TUBA1B: variants seen among roughly 807,000 people sequenced by gnomAD.
TUBA1B encodes tubulin alpha-1B chain.
TUBA1B carries 1 observed loss-of-function variant against 34.4 expected under a neutral mutation model. The observed-to-expected ratio is 0.03, with a 90% CI of 0.01 to 0.14. TUBA1B has a LOEUF of 0.14. Ranked by LOEUF, TUBA1B falls within the 10% of genes least tolerant of loss-of-function variation. The pLI is 1.00. For synonymous variants in TUBA1B, 197 were observed against 212.5 expected (o/e 0.93, Z 0.64); for missense variants, 54 against 583.6 (o/e 0.09, Z 9.35).
intron 1 of TUBA1B, chr12:49,130,438 G>A (rs1380393945): frequency 1.8e-6 from 2 of 1,081,980 alleles, no homozygotes; most frequent in African/African-American, 3.2e-5. Flanking sequence ...CTGCAAAGGC[G>A]CTGCCCAAGC....
chr12:49,127,985 C>T lies in TUBA1B; in HGVS notation c.1329G>A (p.Glu443=). The T allele has an allele frequency of 6.2e-7, 1 of 1,614,160 alleles. No individual in the cohort carries two copies. Among genetic ancestry groups the T allele is most frequent in the Non-Finnish European group, 8.5e-7 (1 of 1,180,018 alleles). ...EEVGVDSVEG[E]GEEEGEEY ...AGTATTCCTCTCCTTCTTCCTCACC[C>T]TCTCCTTCAACAGAATCCACACCAA... Residue 443 remains glutamate, a synonymous_variant, in exon 4 of 4, where the codon GAG becomes GAA. Transcript: ENST00000336023.
intron 1 of TUBA1B, chr12:49,131,075 G>C (rs1374673280): frequency 5.7e-6 from 3 of 530,030 alleles, no homozygotes; most frequent in African/African-American, 3.8e-5. Context: ...CCCTTCCAGA[G>C]TCCGAGAAGA....
rs370897082 is a variant in TUBA1B, at chr12:49,131,311, G to T, written c.-11C>A. The T allele has an allele frequency of 6.2e-7, 1 of 1,611,184 alleles. No individual in the cohort carries two copies. Among genetic ancestry groups the T allele is most frequent in the South Asian group, 1.1e-5 (1 of 90,498 alleles). On this transcript the variant is annotated 5_prime_UTR_variant, in exon 1 of 4. Coordinates refer to ENST00000336023, the MANE Select transcript of TUBA1B (RefSeq NM_006082.3). ...CGGCTTACTCACCATAGTGGCTAGG[G>T]ATTAGGAGGCGAAGGCGACAGGAGC... is the stretch of plus-strand genomic sequence containing the variant.
rs1260737811 is a variant in TUBA1B at position 49,129,232 on chromosome 12, T to G, written c.375+10A>C. 1 of 1,613,544 alleles carries G rather than the reference T, an allele frequency of 6.2e-7. No individual in the cohort carries two copies. The highest frequency in any genetic ancestry group is 1.3e-5 in the African/African-American group (1 of 74,924). On this transcript the variant is annotated intron_variant, in intron 3 of 3. Coordinates refer to ENST00000336023, the MANE Select transcript of TUBA1B (RefSeq NM_006082.3). Reference sequence around the variant, plus strand: ...ACCACATTAAATGCATATTTATATGTGGTGCTTACCAGCTTGCGAATTCGG... The same window carrying G: ...ACCACATTAAATGCATATTTATATGGGGTGCTTACCAGCTTGCGAATTCGG...
chr12:49,128,738 G>A lies in TUBA1B; in HGVS notation c.576C>T (p.His192=), dbSNP rs542269810. 23 of 1,611,510 alleles carry A rather than the reference G, an allele frequency of 1.4e-5. No homozygotes were observed. In the South Asian group the frequency reaches 2.3e-4, roughly 16 times the overall value. ...VEPYNSILTT[H]TTLEHSDCAF... ...CACAATCAGAGTGCTCCAGGGTGGTGTGGGTGGTGAGGATGGAGTTGTAGG... is the reference window on the plus strand; with the variant it reads ...CACAATCAGAGTGCTCCAGGGTGGTATGGGTGGTGAGGATGGAGTTGTAGG... The change falls in exon 4 of 4, where the codon CAC becomes CAT. Residue 192 remains histidine, a synonymous_variant. Transcript: ENST00000336023. This position sits in a 1 kb window ranked among gnomAD's most constrained non-coding sequence, Gnocchi z 8.1.
chr12:49,129,256 G>T lies in TUBA1B; in HGVS notation c.361C>A (p.Arg121=). ...GKEIIDLVLD[R]IRKLADQCTG... ...GTGGTGCTTACCAGCTTGCGAATTC[G>T]GTCCAACACAAGGTCAATGATCTCC... Residue 121 remains arginine (R), a synonymous_variant, in exon 3 of 4, where the codon CGA becomes AGA. Coordinates refer to ENST00000336023, the MANE Select transcript of TUBA1B (RefSeq NM_006082.3). The T allele has an allele frequency of 1.9e-6, 3 of 1,613,976 alleles. No individual in the cohort carries two copies. The highest frequency in any genetic ancestry group is 2.5e-6 in the Non-Finnish European group (3 of 1,180,018).
In TUBA1B at chr12:49,128,220, C is replaced by A; in HGVS notation, c.1094G>T (p.Gly365Val). The change falls in exon 4 of 4, where the codon GGT becomes GTT. Residue 365 changes from glycine (G) to valine (V), a missense_variant. Gly to Val is a moderately radical substitution (Grantham distance 109). This residue lies in a region of TUBA1B where 20 missense variants were observed against 362.8 expected (regional missense o/e 0.06). Coordinates refer to ENST00000336023, the MANE Select transcript of TUBA1B (RefSeq NM_006082.3). The surrounding 1 kb of genome is among the most constrained non-coding windows in gnomAD (Gnocchi z 8.1). ...INYQPPTVVPGGDLAKVQRAV... is the reference protein window; with the variant it reads ...INYQPPTVVPVGDLAKVQRAV... ...TCTCTGTACCTTGGCCAGGTCTCCA[C>A]CAGGCACCACAGTGGGAGGCTGGTA... The A allele has an allele frequency of 6.2e-7, 1 of 1,614,152 alleles. No individual in the cohort carries two copies. Among genetic ancestry groups the A allele is most frequent in the South Asian group, 1.1e-5 (1 of 91,090 alleles).
rs1057548 is a variant in TUBA1B, at chr12:49,128,822, C to T, written c.492G>A (p.Lys164=). Residue 164 remains lysine (K), a synonymous_variant, in exon 4 of 4, where the codon AAG becomes AAA. Transcript: ENST00000336023. The surrounding 1 kb of genome is among the most constrained non-coding windows in gnomAD (Gnocchi z 8.1). ...GGTAAATGGAGAACTCCAGCTTGGA[C>T]TTCTTGCCATAATCAACTGAGAGAC... ...MERLSVDYGK[K]SKLEFSIYPA... is the part of the protein sequence containing the mutation. The T allele has an allele frequency of 0.34, 536,249 of 1,589,318 alleles. 78,812 individuals carry two copies. Among genetic ancestry groups the T allele is most frequent in the East Asian group, 0.69 (30,637 of 44,198 alleles).
Position 49,128,966 on chromosome 12 carries a change from T to A in TUBA1B, c.376-28A>T. 1 of 1,569,960 alleles carries A rather than the reference T, an allele frequency of 6.4e-7. No individual in the cohort carries two copies. The highest frequency in any genetic ancestry group is 8.6e-7 in the Non-Finnish European group (1 of 1,162,158). ...GTAGGGGAATAAAAAAATGTAATAT[T>A]TTAATGCCAGGACACATTATCTTAG... On this transcript the variant is annotated intron_variant, in intron 3 of 3. Coordinates refer to ENST00000336023, the MANE Select transcript of TUBA1B (RefSeq NM_006082.3). The surrounding 1 kb of genome is among the most constrained non-coding windows in gnomAD (Gnocchi z 8.1).
intron 1 of TUBA1B, chr12:49,130,204 G>A: frequency 7.9e-7 from 1 of 1,271,624 alleles, no homozygotes; most frequent in Non-Finnish European, 1.0e-6. Context: ...AGACAGGAAG[G>A]TGGGCATCCA....
rs1220222828 is a variant in TUBA1B, at chr12:49,130,099, T to C, written c.4-377A>G. 3 of 1,201,636 alleles carry C rather than the reference T, an allele frequency of 2.5e-6. No individual in the cohort carries two copies. In the East Asian group the frequency reaches 1.6e-4, roughly 65 times the overall value. The allele number at this position is 1,201,636 out of a possible 1,614,324, so 74.4% of individuals were successfully genotyped here. On this transcript the variant is annotated intron_variant, in intron 1 of 3. Transcript: ENST00000336023. ...GAGAACAGCTACACTATAGTCTACG[T>C]TGCTTTTAATGAATGTTACCTTCCC...
At position 49,130,015 on chromosome 12, in the gene TUBA1B, G is replaced by A. The variant is rs1025427854; in HGVS notation, c.4-293C>T. ...TAGGCTACTCACGTAATCTGAAAAC[G>A]AATTTCCTTTTCTAAAGCGATCTTT... On this transcript the variant is annotated intron_variant, in intron 1 of 3. Coordinates refer to ENST00000336023, the MANE Select transcript of TUBA1B (RefSeq NM_006082.3). 1.3e-5 allele frequency: 15 copies of A among 1,119,750 alleles called. No individual in the cohort carries two copies. The African/African-American group carries it at 1.9e-4, about 14-fold the overall frequency. 69.4% of individuals were successfully genotyped at this position (1,119,750 alleles called of 1,614,324 possible).
intron 1 of TUBA1B, chr12:49,130,412 C>T: frequency 2.0e-5 from 25 of 1,241,424 alleles, no homozygotes; most frequent in Non-Finnish European, 2.6e-5. Context: ...GCTGCAGAGG[C>T]ACGAAATGGC....
At chr12:49,131,114 C>A (rs999784996) in intron 1 of TUBA1B, 184 bp downstream of exon 1, 5 of 627,604 alleles carry the variant, frequency 8.0e-6, no homozygotes, top group South Asian at 2.2e-5. Context: ...CCTTTCCGGG[C>A]CCCCGCTATT....
At chr12:49,130,277 A>C (rs1207252702) in intron 1 of TUBA1B, 1 of 1,289,204 alleles carries the variant, frequency 7.8e-7, no homozygotes, top group East Asian at 5.6e-5. Flanking sequence ...GGCAGCTCCT[A>C]GCACAGGAAG....
At chr12:49,129,832 C>A (rs1941780943) in intron 1 of TUBA1B, 110 bp from the exon 2 acceptor site, 3 of 1,513,242 alleles carry the variant, frequency 2.0e-6, no homozygotes, top group South Asian at 2.5e-5. Context: ...GTCTGTCGCC[C>A]AGGCTTGAGT....
Position 49,131,387 on chromosome 12 carries a change from T to A in TUBA1B, c.-87A>T. ...CCGACAAGCTAAGAGTCGAGGTAAG[T>A]AACGCACTAGGGCGGGGCCGGCGCT... is the stretch of plus-strand genomic sequence containing the variant. On this transcript the variant is annotated 5_prime_UTR_variant, in exon 1 of 4. Transcript: ENST00000336023. 6.5e-7 allele frequency: 1 copy of A among 1,527,358 alleles called. No individual in the cohort carries two copies. Among genetic ancestry groups the A allele is most frequent in the Non-Finnish European group, 9.0e-7 (1 of 1,114,546 alleles). The allele number at this position is 1,527,358 out of a possible 1,614,324, so 94.6% of individuals were successfully genotyped here.
chr12:49,131,263 C>T, intron 1 of TUBA1B, 35 bp downstream of exon 1: 1 of 1,602,192 alleles, frequency 6.2e-7, no homozygotes, highest in African/African-American at 1.3e-5. Flanking sequence ...TCCCTGCTTC[C>T]CTGAAAGCAG....
rs1941763630 is a variant in TUBA1B, at chr12:49,127,814, A to G, written c.*144T>C. Reference sequence around the variant, plus strand: ...GTTAATGACTTTACTTTGAGATATGATGGAAAAATATTACAGGTACACATG... The same window carrying G: ...GTTAATGACTTTACTTTGAGATATGGTGGAAAAATATTACAGGTACACATG... On this transcript the variant is annotated 3_prime_UTR_variant, in exon 4 of 4. Coordinates refer to ENST00000336023, the MANE Select transcript of TUBA1B (RefSeq NM_006082.3). 7.6e-7 allele frequency: 1 copy of G among 1,309,760 alleles called. No homozygotes were observed. The highest frequency in any genetic ancestry group is 1.1e-6 in the Non-Finnish European group (1 of 950,106). The allele number at this position is 1,309,760 out of a possible 1,614,324, so 81.1% of individuals were successfully genotyped here.
Sources: allele counts gnomAD v4.1 joint callset, GRCh38; gene constraint gnomAD v4.1.1; regional missense constraint gnomAD v4.1.1; non-coding constraint Gnocchi (gnomAD v3.1); transcripts MANE v1.5; gene names NCBI Gene and HGNC (gene_info 2026-07-23, HGNC 2026-07-21).